DTNBP1: variants seen among roughly 807,000 people sequenced by gnomAD.
DTNBP1 encodes dystrobrevin binding protein 1, also known as dysbindin.
In DTNBP1, 35 loss-of-function variants were observed where a neutral mutation model predicts 42.8. The ratio of observed to expected loss-of-function variants is 0.82; its 90% CI spans 0.63 to 1.09. The LOEUF is 1.09. Among genes scored for constraint, DTNBP1 ranks in the 50% least tolerant of loss-of-function variants. The pLI is 0.00. For synonymous variants in DTNBP1, 171 were observed against 162.2 expected (o/e 1.05, Z -0.41); for missense variants, 457 against 424.2 (o/e 1.08, Z -0.68).
At chr6:15,525,247 C>CA (rs1196111456) in intron 8 of DTNBP1, among the ~76,000 whole-genome samples, 1 of 152,234 alleles carries the variant, frequency 6.6e-6, no homozygotes, top group East Asian at 1.9e-4. Flanking sequence ...CCCCATGAAA[C>CA]AGCACATGCC....
chr6:15,584,268 A>C (rs562230370), intron 7 of DTNBP1, among the ~76,000 whole-genome samples: 1 of 152,170 alleles, frequency 6.6e-6, no homozygotes, highest in Non-Finnish European at 1.5e-5. Flanking sequence ...AATGATCTAA[A>C]ATATTAAAAT....
At chr6:15,571,227 T>A (rs1211430899) in intron 7 of DTNBP1, among the ~76,000 whole-genome samples, 1 of 152,194 alleles carries the variant, frequency 6.6e-6, no homozygotes, top group Non-Finnish European at 1.5e-5. Flanking sequence ...ATCGTACTAC[T>A]TATTCTCTCT....
At chr6:15,530,701 A>T (rs564811813) in intron 8 of DTNBP1, among the ~76,000 whole-genome samples, 5 of 151,972 alleles carry the variant, frequency 3.3e-5, no homozygotes, top group African/African-American at 9.6e-5. Flanking sequence ...CTACAATGGG[A>T]GCTTCCTGAG....
intron 1 of DTNBP1, among the ~76,000 whole-genome samples, chr6:15,653,409 G>T (rs1348539785): frequency 6.6e-6 from 1 of 152,052 alleles, no homozygotes; most frequent in Non-Finnish European, 1.5e-5. Context: ...TCTACCATTG[G>T]TCACCTGGAT....
intron 4 of DTNBP1, among the ~76,000 whole-genome samples, chr6:15,629,922 GA>G (rs1434926199): frequency 2.2e-4 from 33 of 152,194 alleles, no homozygotes; most frequent in African/African-American, 7.9e-4. Flanking sequence ...AAACGGTTCT[GA>G]AAAACTGTAC....
intron 3 of DTNBP1, among the ~76,000 whole-genome samples, chr6:15,642,213 T>C (rs974879473): frequency 2.6e-5 from 4 of 152,190 alleles, no homozygotes; most frequent in African/African-American, 9.6e-5. Flanking sequence ...AGACTCTCCC[T>C]GAGCCCATTT....
At chr6:15,641,417 T>A (rs140255889) in intron 3 of DTNBP1, among the ~76,000 whole-genome samples, 1 of 152,048 alleles carries the variant, frequency 6.6e-6, no homozygotes, top group African/African-American at 2.4e-5. Flanking sequence ...CTGGCAGAGA[T>A]TGACCCTCAA....
At chr6:15,657,021 T>C (rs769262501) in intron 1 of DTNBP1, among the ~76,000 whole-genome samples, 51 of 152,204 alleles carry the variant, frequency 3.4e-4, no homozygotes, top group Non-Finnish European at 5.9e-4. Flanking sequence ...TCATTTTTTT[T>C]CTCTCTTAAG....
intron 7 of DTNBP1, among the ~76,000 whole-genome samples, chr6:15,583,424 CCAATCTTCTGAGAAAAGTA>C (rs1775923585): frequency 6.6e-6 from 1 of 152,162 alleles, no homozygotes; most frequent in South Asian, 2.1e-4. Flanking sequence ...TAGGCAACTA[CCAATCTTCTGAGAAAAGTA>C]CAAACTCCAT....
intron 4 of DTNBP1, among the ~76,000 whole-genome samples, chr6:15,628,000 C>T (rs1390723547): frequency 6.6e-6 from 1 of 152,122 alleles, no homozygotes; most frequent in African/African-American, 2.4e-5. Context: ...GGAAACTGGC[C>T]AATTCCAGAA....
chr6:15,609,168 C>CT (rs200792425), intron 6 of DTNBP1, among the ~76,000 whole-genome samples: 23,079 of 142,796 alleles, frequency 0.16, 1,921 homozygotes, highest in East Asian at 0.31. Flanking sequence ...TTGCTACCTT[C>CT]TTTTTTTTTT....
chr6:15,620,789 C>A (rs1208882669), intron 5 of DTNBP1, among the ~76,000 whole-genome samples: 1 of 152,188 alleles, frequency 6.6e-6, no homozygotes, highest in Non-Finnish European at 1.5e-5. Flanking sequence ...AAGAGCTAGG[C>A]TTTGAAGCAC....
At chr6:15,560,008 TG>T (rs1311708786) in intron 7 of DTNBP1, among the ~76,000 whole-genome samples, 1 of 152,166 alleles carries the variant, frequency 6.6e-6, no homozygotes, top group Non-Finnish European at 1.5e-5. Context: ...GTTACTATTT[TG>T]ATTAATAAAA....
intron 6 of DTNBP1, among the ~76,000 whole-genome samples, chr6:15,603,073 G>A (rs1776793153): frequency 6.6e-6 from 1 of 152,212 alleles, no homozygotes; most frequent in Non-Finnish European, 1.5e-5. Flanking sequence ...TACACATAAA[G>A]TCTGAAACTG....
At chr6:15,606,203 AC>A (rs1477691098) in intron 6 of DTNBP1, among the ~76,000 whole-genome samples, 2 of 152,224 alleles carry the variant, frequency 1.3e-5, no homozygotes, top group Non-Finnish European at 2.9e-5. Context: ...AGCCACTGTC[AC>A]GTTTATTTTA....
intron 1 of DTNBP1, among the ~76,000 whole-genome samples, chr6:15,653,149 T>C (rs1363477403): frequency 6.6e-6 from 1 of 152,212 alleles, no homozygotes; most frequent in Non-Finnish European, 1.5e-5. Context: ...AAATTTTAGT[T>C]GAGAAAAAGC....
chr6:15,627,736 A>C (rs1170221633), intron 4 of DTNBP1, among the ~76,000 whole-genome samples: 1 of 152,026 alleles, frequency 6.6e-6, no homozygotes, highest in Non-Finnish European at 1.5e-5. Flanking sequence ...TTCAGAAGTC[A>C]CTTCTAAGTA....
intron 7 of DTNBP1, 187 bp from the exon 8 acceptor site, chr6:15,533,582 A>T (rs1451978072): frequency 1.0e-6 from 1 of 969,262 alleles, no homozygotes; most frequent in East Asian, 2.5e-5. Flanking sequence ...TCCTCCCCCT[A>T]CCTGGGCGGT....
Position 15,553,594 on chromosome 6 carries a change from C to CTTTTTTTTTTTTTTTTTT in DTNBP1, c.512-20200_512-20199insAAAAAAAAAAAAAAAAAA, listed in dbSNP as rs56173414. The stretch of plus-strand genomic sequence containing the variant: ...CAGTTCAATGCTCTTGACAAGTGAG[C>CTTTTTTTTTTTTTTTTTT]TTTTTTTTTTTTGGCCTCAGACAGC... On this transcript the variant is annotated intron_variant, in intron 7 of 9. Transcript: ENST00000344537. 5.3e-3 allele frequency among the ~76,000 whole-genome samples: 384 copies of CTTTTTTTTTTTTTTTTTT among 72,844 alleles called. 59 individuals are homozygous for CTTTTTTTTTTTTTTTTTT. Among genetic ancestry groups the CTTTTTTTTTTTTTTTTTT allele is most frequent in the South Asian group, 9.6e-3 (15 of 1,564 alleles). The allele number at this position is 72,844 out of a possible 152,430, so 47.8% of individuals were successfully genotyped here. A position where few individuals can be genotyped will look rare whatever the true frequency, so the allele number is the denominator to read the frequency against.
Sources: gnomAD v4.1 joint callset for allele counts (sites outside exome capture counted in the v4.1 genomes callset) on GRCh38, gnomAD v4.1.1 for gene constraint, MANE v1.5 for transcripts, NCBI Gene and HGNC (gene_info 2026-07-23, HGNC 2026-07-21) for gene names.